The following ROBO2 variants were observed in gnomAD, a reference collection of about 807,000 sequenced individuals.
ROBO2 encodes roundabout guidance receptor 2, also known as roundabout homolog 2.
ROBO2 carries 53 observed loss-of-function variants against 160.8 expected under a neutral mutation model. That is an observed-to-expected ratio of 0.33 (90% confidence interval 0.26 to 0.41). The LOEUF is 0.41. ROBO2 is among the 10% of genes least tolerant of loss of function. The pLI, the probability that ROBO2 is intolerant of heterozygous loss-of-function variation, is 1.00. For missense variants in ROBO2, 1,577 were observed against 1,722.4 expected (o/e 0.92, Z 1.49); for synonymous variants, 664 against 611.7 (o/e 1.09, Z -1.26).
At chr3:77,526,650 G>A (rs1214971546) in intron 6 of ROBO2, among the ~76,000 whole-genome samples, 2 of 151,446 alleles carry the variant, frequency 1.3e-5, no homozygotes, top group African/African-American at 2.4e-5. Flanking sequence ...AATAACAGGG[G>A]CAGCCTATTA....
intron 2 of ROBO2, among the ~76,000 whole-genome samples, chr3:76,841,094 G>A (rs1256578275): frequency 6.6e-6 from 1 of 151,972 alleles, no homozygotes; most frequent in African/African-American, 2.4e-5. Context: ...ATAGGAGTGT[G>A]GCTAAGAAAA....
At chr3:76,284,818 AT>A (rs1310577819) in intron 2 of ROBO2, among the ~76,000 whole-genome samples, 4 of 152,140 alleles carry the variant, frequency 2.6e-5, no homozygotes, top group African/African-American at 9.6e-5. Context: ...AAACTGGCAG[AT>A]TTTTCCACCT....
At chr3:76,147,107 A>G (rs2071939786) in intron 2 of ROBO2, among the ~76,000 whole-genome samples, 1 of 151,674 alleles carries the variant, frequency 6.6e-6, no homozygotes, top group South Asian at 2.1e-4. Flanking sequence ...CATGTACCCC[A>G]AACTTAAAAG....
intron 2 of ROBO2, among the ~76,000 whole-genome samples, chr3:76,062,460 G>A (rs2068101574): frequency 6.6e-6 from 1 of 152,028 alleles, no homozygotes; most frequent in South Asian, 2.1e-4. Context: ...ATTGTACCAG[G>A]TTTTGTCAGT....
intron 2 of ROBO2, among the ~76,000 whole-genome samples, chr3:77,464,283 T>A (rs1165081243): frequency 6.6e-6 from 1 of 152,202 alleles, no homozygotes; most frequent in Non-Finnish European, 1.5e-5. Flanking sequence ...GTTGCCTTCC[T>A]GCCAAATAGT....
intron 2 of ROBO2, among the ~76,000 whole-genome samples, chr3:76,538,530 C>G (rs1054062100): frequency 6.6e-6 from 1 of 152,154 alleles, no homozygotes; most frequent in Non-Finnish European, 1.5e-5. Context: ...TAAAGTAGTA[C>G]ATGCATAAAA....
At chr3:76,178,391 C>T (rs1229882569) in intron 2 of ROBO2, among the ~76,000 whole-genome samples, 1 of 151,932 alleles carries the variant, frequency 6.6e-6, no homozygotes, top group Admixed American at 6.6e-5. Flanking sequence ...AAAGGAGAGG[C>T]GATAAGAAGA....
intron 2 of ROBO2, among the ~76,000 whole-genome samples, chr3:76,950,970 C>G (rs1336118249): frequency 6.6e-6 from 1 of 152,086 alleles, no homozygotes; most frequent in Non-Finnish European, 1.5e-5. Context: ...TCAAGCAATT[C>G]TCCCTCCTTG....
At position 77,494,847 on chromosome 3, in the gene ROBO2, G is replaced by A. The variant is rs778774896; in HGVS notation, c.806+1465G>A. Among the ~76,000 whole-genome samples the A allele has an allele frequency of 2.0e-5, 3 of 152,338 alleles. No individual in the cohort carries two copies. The East Asian group carries it at 5.8e-4, about 29-fold the overall frequency. ...AACCATTTATAATAGTTACTGAGAG[G>A]TTCTTTACAATCTACAGGAATAAAA... On this transcript the variant is annotated intron_variant, in intron 5 of 25. Transcript: ENST00000461745.
rs142013295 is a variant in ROBO2 at position 76,822,561 on chromosome 3, C to T, written c.110-275453C>T. 4.3e-3 allele frequency among the ~76,000 whole-genome samples: 660 copies of T among 151,748 alleles called. 4 individuals carry two copies. Among genetic ancestry groups the T allele is most frequent in the African/African-American group, 0.015 (640 of 41,440 alleles). On this transcript the variant is annotated intron_variant, in intron 2 of 26. Transcript: ENST00000487694. ...ACAATGTTCTATGTACTTTACATGT[C>T]TAAATTCATTAACTCTTCAACCTAT... is the stretch of plus-strand genomic sequence containing the variant.
intron 2 of ROBO2, among the ~76,000 whole-genome samples, chr3:76,008,271 C>T (rs1576459811): frequency 6.7e-6 from 1 of 148,200 alleles, no homozygotes; most frequent in Admixed American, 6.7e-5. Context: ...AAAAAAAAAT[C>T]GCTGCTAAAT....
intron 2 of ROBO2, among the ~76,000 whole-genome samples, chr3:76,909,249 G>C (rs920458375): frequency 1.3e-5 from 2 of 152,102 alleles, no homozygotes; most frequent in East Asian, 1.9e-4. Context: ...CATTGACCTT[G>C]TATAGTGATC....
intron 2 of ROBO2, among the ~76,000 whole-genome samples, chr3:76,378,491 G>A (rs1157114106): frequency 6.6e-6 from 1 of 152,270 alleles, no homozygotes; most frequent in East Asian, 1.9e-4. Context: ...AGGAGATCAA[G>A]TATCATCCCT....
chr3:77,615,354 C>T (rs1181168308), intron 21 of ROBO2, among the ~76,000 whole-genome samples: 1 of 152,094 alleles, frequency 6.6e-6, no homozygotes, highest in Admixed American at 6.5e-5. Context: ...TCATCATCAC[C>T]TAGAGTCCAT....
intron 8 of ROBO2, among the ~76,000 whole-genome samples, chr3:77,556,705 G>A (rs1217624945): frequency 6.6e-6 from 1 of 151,820 alleles, no homozygotes; most frequent in East Asian, 1.9e-4. Context: ...TACAAGGTGA[G>A]TTTTTTGAGA....
chr3:76,676,650 A>G (rs923212168), intron 2 of ROBO2, among the ~76,000 whole-genome samples: 2 of 150,352 alleles, frequency 1.3e-5, no homozygotes. Context: ...TCAATACCCA[A>G]GTAGGAATAG....
rs1415715109 is a variant in ROBO2 at position 76,516,158 on chromosome 3, T to A, written c.109+578556T>A. On this transcript the variant is annotated intron_variant, in intron 2 of 26. Coordinates refer to the ROBO2 transcript ENST00000487694. ...ATTTACAAAAAGTGAGAAATAGATT[T>A]GTTACAATCTTGATTTTGGCTGATA... Among the ~76,000 whole-genome samples, 3 of 152,160 alleles carry A rather than the reference T, an allele frequency of 2.0e-5. No homozygotes were observed. In the East Asian group the frequency reaches 5.8e-4, roughly 29 times the overall value.
chr3:76,276,232 A>G (rs1171843864), intron 2 of ROBO2, among the ~76,000 whole-genome samples: 1 of 152,020 alleles, frequency 6.6e-6, no homozygotes, highest in African/African-American at 2.4e-5. Context: ...GTGAAATTCA[A>G]TATGTGAAAT....
chr3:77,242,226 T>G (rs1024670825), intron 2 of ROBO2, among the ~76,000 whole-genome samples: 4 of 152,148 alleles, frequency 2.6e-5, no homozygotes, highest in African/African-American at 9.7e-5. Flanking sequence ...TTTAAGAATT[T>G]AAAATGTAAC....
Sources: allele counts gnomAD v4.1 joint callset (sites outside exome capture counted in the v4.1 genomes callset), GRCh38; gene constraint gnomAD v4.1.1; transcripts MANE v1.5; gene names NCBI Gene and HGNC (gene_info 2026-07-23, HGNC 2026-07-21).